LMBRD2: variants seen among roughly 807,000 people sequenced by gnomAD.
LMBRD2 encodes LMBR1 domain containing 2.
LMBRD2 carries 55 observed loss-of-function variants against 94.4 expected under a neutral mutation model. The observed-to-expected ratio is 0.58, with a 90% CI of 0.47 to 0.73. The LOEUF (loss-of-function observed/expected upper bound fraction) is 0.73, where lower values mean the gene tolerates loss of function less well. Ranked by LOEUF, LMBRD2 falls within the 30% of genes least tolerant of loss-of-function variation. The pLI is 0.00. For synonymous variants in LMBRD2, 246 were observed against 272.4 expected (o/e 0.90, Z 0.95); for missense variants, 640 against 831.9 (o/e 0.77, Z 2.84).
chr5:36,137,483 G>C (rs1554082913), intron 4 of LMBRD2, 42 bp from the exon 5 acceptor site: 1 of 1,343,288 alleles, frequency 7.4e-7, no homozygotes. Context: ...CCAAATAATT[G>C]ATATGTCTGT....
At chr5:36,119,947 C>T (rs916374736) in intron 9 of LMBRD2, among the ~76,000 whole-genome samples, 9 of 152,146 alleles carry the variant, frequency 5.9e-5, no homozygotes, top group African/African-American at 2.2e-4. Context: ...TGAACATTGT[C>T]TTAGAAATTC....
chr5:36,150,980 CTTCA>C (rs1396625699), intron 1 of LMBRD2, among the ~76,000 whole-genome samples: 1 of 152,172 alleles, frequency 6.6e-6, no homozygotes, highest in Non-Finnish European at 1.5e-5. Flanking sequence ...CTTTATAAAT[CTTCA>C]TTTTTATGAG....
At chr5:36,132,504 T>C (rs2111892338) in intron 6 of LMBRD2, among the ~76,000 whole-genome samples, 1 of 151,774 alleles carries the variant, frequency 6.6e-6, no homozygotes, top group African/African-American at 2.4e-5. Context: ...AAGGAAACTA[T>C]CAACAAAATG....
At chr5:36,142,709 C>CTTT in intron 2 of LMBRD2, 110 bp from the exon 3 acceptor site, 1 of 557,390 alleles carries the variant, frequency 1.8e-6, no homozygotes. Flanking sequence ...CTTGGCTATG[C>CTTT]TTTATTCTTT....
At chr5:36,105,347 C>T in intron 16 of LMBRD2, 150 bp from the exon 17 acceptor site, 2 of 706,062 alleles carry the variant, frequency 2.8e-6, no homozygotes, top group East Asian at 5.3e-5. Context: ...TCCTTAAAAT[C>T]AGATTAAAAT....
At chr5:36,106,960 A>G (rs988917503) in intron 16 of LMBRD2, among the ~76,000 whole-genome samples, 5 of 152,130 alleles carry the variant, frequency 3.3e-5, no homozygotes, top group African/African-American at 1.2e-4. Context: ...TCTAATTAAA[A>G]TACCCTTCAC....
Position 36,141,152 on chromosome 5 carries a change from G to T in LMBRD2, c.323C>A (p.Pro108Gln), listed in dbSNP as rs892856734. The T allele has an allele frequency of 6.2e-7, 1 of 1,611,238 alleles. No individual in the cohort carries two copies. Among genetic ancestry groups the T allele is most frequent in the Non-Finnish European group, 8.5e-7 (1 of 1,178,054 alleles). Residue 108 changes from proline to glutamine, a missense_variant, in exon 4 of 18, where the codon CCA becomes CAA. By Grantham distance (76) the Pro-to-Gln change is moderately conservative (BLOSUM62 -1). Transcript: ENST00000296603. ...CCAATACACTACCCTCCAGAAAATT[G>T]GCATGATTCCATCAGGAATGTAACT... ...PWSYIPDGIM[P>Q]IFWRVVYWTS...
At chr5:36,149,115 G>A (rs1221505065) in intron 1 of LMBRD2, among the ~76,000 whole-genome samples, 1 of 152,166 alleles carries the variant, frequency 6.6e-6, no homozygotes, top group East Asian at 1.9e-4. Context: ...GATCTACTTA[G>A]TTCCAAGCAC....
chr5:36,116,668 C>T, intron 10 of LMBRD2, 75 bp from the exon 11 acceptor site: 1 of 1,419,774 alleles, frequency 7.0e-7, no homozygotes, highest in South Asian at 1.2e-5. Flanking sequence ...AGGCATTATC[C>T]TTCATTTCTT....
chr5:36,144,108 C>T lies in LMBRD2; in HGVS notation c.-57-702G>A, dbSNP rs184235777. On this transcript the variant is annotated intron_variant, in intron 1 of 17. Coordinates refer to ENST00000296603, the MANE Select transcript of LMBRD2 (RefSeq NM_001007527.2). ...AAAATTTATCAATGACTATTAAAGT[C>T]ATACATTTGAAAACATTCTTAATTT... Among the ~76,000 whole-genome samples the T allele has an allele frequency of 3.0e-4, 46 of 152,034 alleles. No homozygotes were observed. The East Asian group carries it at 8.7e-3, about 29-fold the overall frequency.
intron 9 of LMBRD2, among the ~76,000 whole-genome samples, chr5:36,121,868 G>A (rs1184697441): frequency 6.6e-6 from 1 of 152,116 alleles, no homozygotes; most frequent in African/African-American, 2.4e-5. Context: ...TAGCCTAGGA[G>A]TAATAAGCCA....
intron 1 of LMBRD2, among the ~76,000 whole-genome samples, chr5:36,149,839 G>T (rs1744646294): frequency 6.6e-6 from 1 of 152,162 alleles, no homozygotes; most frequent in African/African-American, 2.4e-5. Context: ...CATGGGAGGT[G>T]GAGGTTATGG....
rs1743398708 is a variant in LMBRD2, at chr5:36,103,740, A to T, written c.*306T>A. On this transcript the variant is annotated 3_prime_UTR_variant, in exon 18 of 18. Coordinates refer to ENST00000296603, the MANE Select transcript of LMBRD2 (RefSeq NM_001007527.2). Reference sequence around the variant, plus strand: ...AAATAACTCTCTTGAAAAAAAATTAATCTGAAACAAACTGAACTGCATGTT... The same window carrying T: ...AAATAACTCTCTTGAAAAAAAATTATTCTGAAACAAACTGAACTGCATGTT... The T allele has an allele frequency of 5.8e-6, 1 of 173,640 alleles. No individual in the cohort carries two copies. The highest frequency in any genetic ancestry group is 2.4e-5 in the African/African-American group (1 of 42,164). 10.8% of individuals were successfully genotyped at this position (173,640 alleles called of 1,614,324 possible). A position where few individuals can be genotyped will look rare whatever the true frequency, so the allele number is the denominator to read the frequency against.
chr5:36,135,040 T>A (rs900328577), intron 6 of LMBRD2, among the ~76,000 whole-genome samples: 19 of 152,288 alleles, frequency 1.2e-4, no homozygotes, highest in African/African-American at 3.8e-4. Flanking sequence ...CTCTCATTCA[T>A]TTATTTACTG....
intron 13 of LMBRD2, among the ~76,000 whole-genome samples, chr5:36,113,767 C>T (rs1743671622): frequency 6.6e-6 from 1 of 152,142 alleles, no homozygotes; most frequent in South Asian, 2.1e-4. Context: ...TGAAAGAGGG[C>T]AGAGTACAGG....
At chr5:36,132,528 C>G (rs1033465911) in intron 6 of LMBRD2, among the ~76,000 whole-genome samples, 2 of 151,680 alleles carry the variant, frequency 1.3e-5, no homozygotes, top group African/African-American at 4.8e-5. Context: ...ACATAACCCA[C>G]AGAATAGGAG....
chr5:36,112,053 A>G (rs2111851432), intron 13 of LMBRD2, among the ~76,000 whole-genome samples: 1 of 150,536 alleles, frequency 6.6e-6, no homozygotes, highest in Non-Finnish European at 1.5e-5. Flanking sequence ...GTGGTGAAGG[A>G]GAGAGAGAGA....
chr5:36,139,681 G>T (rs1013838271), intron 4 of LMBRD2, among the ~76,000 whole-genome samples: 6 of 152,152 alleles, frequency 3.9e-5, no homozygotes, highest in Admixed American at 3.3e-4. Flanking sequence ...TCTACTTCAG[G>T]TCTCCTCTCT....
intron 15 of LMBRD2, 100 bp downstream of exon 15, chr5:36,109,844 GT>G (rs1008387981): frequency 2.1e-5 from 18 of 852,882 alleles, no homozygotes; most frequent in Non-Finnish European, 2.9e-5. Flanking sequence ...TTTTTCCACT[GT>G]TTTTTTCTGT....
Sources: gnomAD v4.1 joint callset for allele counts (sites outside exome capture counted in the v4.1 genomes callset) on GRCh38, gnomAD v4.1.1 for gene constraint, MANE v1.5 for transcripts, NCBI Gene and HGNC (gene_info 2026-07-23, HGNC 2026-07-21) for gene names.